The following SLC25A48 variants were observed in gnomAD, a reference collection of about 807,000 sequenced individuals.
The protein encoded by SLC25A48 is CTC-321K16.1.
SLC25A48 carries 29 observed loss-of-function variants against 32.2 expected under a neutral mutation model. The observed-to-expected ratio is 0.90, with a 90% CI of 0.67 to 1.23. The LOEUF is 1.23. Among genes scored for constraint, SLC25A48 ranks in the 50% most tolerant of loss-of-function variants. The pLI is 0.00. For synonymous variants in SLC25A48, 164 were observed against 172.3 expected (o/e 0.95, Z 0.38); for missense variants, 399 against 422.7 (o/e 0.94, Z 0.49).
At chr5:135,684,402 C>A (rs1753970135) in intron 3 of SLC25A48, among the ~76,000 whole-genome samples, 1 of 152,168 alleles carries the variant, frequency 6.6e-6, no homozygotes, top group South Asian at 2.1e-4. Flanking sequence ...CTGGGGAGTG[C>A]CTTTGGGATC....
At chr5:135,851,923 A>G (rs1759902534) in intron 3 of SLC25A48, among the ~76,000 whole-genome samples, 1 of 152,132 alleles carries the variant, frequency 6.6e-6, no homozygotes, top group Non-Finnish European at 1.5e-5. Flanking sequence ...TGGCCCCTTC[A>G]GCCACTTCTG....
chr5:135,749,315 A>G (rs1755715816), intron 3 of SLC25A48, among the ~76,000 whole-genome samples: 1 of 151,606 alleles, frequency 6.6e-6, no homozygotes, highest in Admixed American at 6.6e-5. Flanking sequence ...AATGAAGTAA[A>G]CCTTCTCTCA....
intron 2 of SLC25A48, among the ~76,000 whole-genome samples, chr5:135,850,119 T>G (rs1759724505): frequency 6.6e-6 from 1 of 152,134 alleles, no homozygotes; most frequent in Non-Finnish European, 1.5e-5. Flanking sequence ...AGACAGCAGA[T>G]AGGGTAGAGT....
chr5:135,761,269 C>T (rs1406026215), intron 3 of SLC25A48, among the ~76,000 whole-genome samples: 1 of 152,148 alleles, frequency 6.6e-6, no homozygotes, highest in Non-Finnish European at 1.5e-5. Flanking sequence ...GCCATTATCT[C>T]ACCACTGAAC....
At chr5:135,841,796 C>A (rs776900635) in intron 1 of SLC25A48, among the ~76,000 whole-genome samples, 4 of 152,128 alleles carry the variant, frequency 2.6e-5, no homozygotes, top group Non-Finnish European at 5.9e-5. Context: ...TGAATCCCAG[C>A]TAATAAGGGC....
At chr5:135,595,893 G>T (rs1280809607) in intron 1 of SLC25A48, among the ~76,000 whole-genome samples, 1 of 152,044 alleles carries the variant, frequency 6.6e-6, no homozygotes, top group Non-Finnish European at 1.5e-5. Context: ...TCAGTATAAG[G>T]CCCCTAGCAG....
intron 3 of SLC25A48, among the ~76,000 whole-genome samples, chr5:135,659,778 A>T (rs1753347372): frequency 6.6e-6 from 1 of 152,222 alleles, no homozygotes; most frequent in African/African-American, 2.4e-5. Context: ...AAGCAAGCAC[A>T]TCTTCACATA....
At chr5:135,797,877 T>C (rs1757227168) in intron 3 of SLC25A48, among the ~76,000 whole-genome samples, 1 of 151,670 alleles carries the variant, frequency 6.6e-6, no homozygotes, top group Non-Finnish European at 1.5e-5. Context: ...GTACACCCCT[T>C]CTGTGATATG....
chr5:135,857,168 C>T (rs1377562649), intron 4 of SLC25A48, among the ~76,000 whole-genome samples: 1 of 152,216 alleles, frequency 6.6e-6, no homozygotes, highest in Non-Finnish European at 1.5e-5. Flanking sequence ...GGTTTCTTGA[C>T]AACTTTTTGT....
chr5:135,740,908 T>C (rs1239179073), intron 3 of SLC25A48, among the ~76,000 whole-genome samples: 1 of 152,222 alleles, frequency 6.6e-6, no homozygotes. Context: ...CCAGCCCAAG[T>C]ATATTTTGAA....
intron 3 of SLC25A48, chr5:135,652,416 A>G (rs775330750): frequency 2.2e-6 from 1 of 456,226 alleles, no homozygotes; most frequent in South Asian, 1.5e-5. Flanking sequence ...ATGCCTATCC[A>G]CCATTATGAC....
intron 3 of SLC25A48, among the ~76,000 whole-genome samples, chr5:135,793,491 C>T (rs981540505): frequency 4.0e-5 from 6 of 151,784 alleles, no homozygotes; most frequent in Admixed American, 6.6e-5. Flanking sequence ...GTCCTAATAT[C>T]GCAGTAGGTG....
chr5:135,588,150 A>G (rs759526738), intron 1 of SLC25A48, among the ~76,000 whole-genome samples: 1 of 152,222 alleles, frequency 6.6e-6, no homozygotes, highest in Non-Finnish European at 1.5e-5. Context: ...TCTTGTAGCT[A>G]CTGTTTCAGC....
intron 2 of SLC25A48, 146 bp downstream of exon 2, chr5:135,842,605 C>G: frequency 1.3e-6 from 1 of 788,228 alleles, no homozygotes; most frequent in Non-Finnish European, 2.1e-6. Context: ...TGTTGGGTGC[C>G]AGGAGGTCTG....
intron 2 of SLC25A48, among the ~76,000 whole-genome samples, chr5:135,630,588 CTTTTTTTTTTTTTTTTTTT>C (rs869088370): frequency 2.4e-4 from 14 of 58,954 alleles, no homozygotes; most frequent in African/African-American, 6.7e-4. Context: ...GGCTGGGCAC[CTTTTTTTTTTTTTTTTTTT>C]TTTTTTTTTT....
chr5:135,612,584 T>C (rs371368029), intron 1 of SLC25A48, among the ~76,000 whole-genome samples: 10 of 152,288 alleles, frequency 6.6e-5, no homozygotes, highest in African/African-American at 2.2e-4. Context: ...CATTCTACTC[T>C]CTATCTCCAG....
intron 1 of SLC25A48, among the ~76,000 whole-genome samples, chr5:135,614,950 G>C (rs1752152988): frequency 6.6e-6 from 1 of 152,116 alleles, no homozygotes; most frequent in Non-Finnish European, 1.5e-5. Flanking sequence ...TCCTGCTTCA[G>C]CCATGTAAGA....
chr5:135,665,729 T>C (rs998623306), intron 3 of SLC25A48, among the ~76,000 whole-genome samples: 12 of 151,040 alleles, frequency 7.9e-5, no homozygotes, highest in African/African-American at 2.9e-4. Context: ...GACTTTTTGA[T>C]ACTAAATTTT....
chr5:135,722,683 A>G (rs966800488), intron 3 of SLC25A48, among the ~76,000 whole-genome samples: 2 of 152,228 alleles, frequency 1.3e-5, no homozygotes, highest in South Asian at 4.1e-4. Flanking sequence ...TGAATAACGC[A>G]TGTAAAGCTT....
Sources: allele counts gnomAD v4.1 joint callset (sites outside exome capture counted in the v4.1 genomes callset), GRCh38; gene constraint gnomAD v4.1.1; transcripts MANE v1.5; gene names NCBI Gene and HGNC (gene_info 2026-07-23, HGNC 2026-07-21).